NFIB: variants seen among roughly 807,000 people sequenced by gnomAD.
NFIB encodes the protein nuclear factor 1 B-type.
In NFIB, 11 loss-of-function variants were observed where a neutral mutation model predicts 61.5. The observed-to-expected ratio is 0.18, with a 90% confidence interval of 0.11 to 0.30. NFIB has a LOEUF of 0.30. Ranked by LOEUF, NFIB falls within the 10% of genes least tolerant of loss-of-function variation. NFIB has a pLI of 1.00. For synonymous variants in NFIB, 260 were observed against 216.5 expected, an observed-to-expected ratio of 1.20 and a Z score of -1.76; for missense variants, 471 against 608.9, an observed-to-expected ratio of 0.77 and a Z score of 2.38.
At chr9:14,176,461 C>T (rs372682717) in intron 3 of NFIB, among the ~76,000 whole-genome samples, 2 of 151,836 alleles carry the variant, frequency 1.3e-5, no homozygotes, top group African/African-American at 2.4e-5. Flanking sequence ...ACCCCTGCCA[C>T]GTAACAAAGA....
the NFIB span, among the ~76,000 whole-genome samples, chr9:14,468,240 G>C: frequency 6.6e-6 from 1 of 152,212 alleles, no homozygotes; most frequent in African/African-American, 2.4e-5. Context: ...AAGAGTGAAT[G>C]AATATAGAGC....
chr9:14,263,586 A>C (rs2056966166), intron 2 of NFIB, among the ~76,000 whole-genome samples: 1 of 152,200 alleles, frequency 6.6e-6, no homozygotes, highest in African/African-American at 2.4e-5. Flanking sequence ...GGAATTCTGC[A>C]CTGCGACCTC....
Position 14,313,734 on chromosome 9 carries a change from CTA to C in NFIB, c.-225_-224del. ...TAGATTTCCAGGGGTGAAATCCAAT[CTA>C]CACTTTTAACCCTCTTGCAGTCCGA... On this transcript the variant is annotated 5_prime_UTR_variant, in exon 1 of 11. Coordinates refer to ENST00000380953, the MANE Select transcript of NFIB (RefSeq NM_001190737.2). This position sits in a 1 kb window ranked among gnomAD's most constrained non-coding sequence, Gnocchi z 4.5. 3 of 1,411,290 alleles carry C rather than the reference CTA, an allele frequency of 2.1e-6. No individual in the cohort carries two copies. Among genetic ancestry groups the C allele is most frequent in the Non-Finnish European group, 1.8e-6 (2 of 1,085,140 alleles). The allele number at this position is 1,411,290 out of a possible 1,614,324, so 87.4% of individuals were successfully genotyped here.
At chr9:14,290,118 A>C (rs866050617) in intron 2 of NFIB, among the ~76,000 whole-genome samples, 1 of 152,092 alleles carries the variant, frequency 6.6e-6, no homozygotes, top group Non-Finnish European at 1.5e-5. Flanking sequence ...ACAAGAATCT[A>C]TCATGTCTTT....
chr9:14,427,786 C>A, the NFIB span, among the ~76,000 whole-genome samples: 2 of 151,924 alleles, frequency 1.3e-5, no homozygotes, highest in Admixed American at 1.3e-4. Flanking sequence ...CGGTGGCACA[C>A]TTAGCAGCTG....
At chr9:14,269,783 G>A (rs757989186) in intron 2 of NFIB, among the ~76,000 whole-genome samples, 8 of 151,858 alleles carry the variant, frequency 5.3e-5, no homozygotes, top group Non-Finnish European at 1.2e-4. Context: ...ATACTCTTTA[G>A]GAGATTAGCT....
At chr9:14,137,588 G>C (rs888915000) in intron 6 of NFIB, among the ~76,000 whole-genome samples, 1 of 152,070 alleles carries the variant, frequency 6.6e-6, no homozygotes, top group Non-Finnish European at 1.5e-5. Flanking sequence ...GAAAACTCAA[G>C]AGTTACTGAA....
In NFIB at chr9:14,313,385, G is replaced by A. The variant is rs1430458515; in HGVS notation, c.30+97C>T. 1.9e-6 allele frequency: 3 copies of A among 1,556,462 alleles called. No homozygotes were observed. The highest frequency in any genetic ancestry group is 1.7e-5 in the Admixed American group (1 of 59,126). On this transcript the variant is annotated intron_variant, in intron 1 of 10. Coordinates refer to ENST00000380953, the MANE Select transcript of NFIB (RefSeq NM_001190737.2). This position sits in a 1 kb window ranked among gnomAD's most constrained non-coding sequence, Gnocchi z 4.5. The stretch of plus-strand genomic sequence containing the variant: ...CCACTTCTCCAAGGGACGGGGATGT[G>A]CGGAGGTTAACTCAAGCCGCTAATT...
chr9:14,287,582 C>T (rs984104559), intron 2 of NFIB, among the ~76,000 whole-genome samples: 4 of 151,822 alleles, frequency 2.6e-5, no homozygotes, highest in Admixed American at 2.6e-4. Context: ...ACCACCAGGC[C>T]CGGCTAATTT....
chr9:14,517,776 G>A, the NFIB span, among the ~76,000 whole-genome samples: 8 of 152,152 alleles, frequency 5.3e-5, no homozygotes, highest in African/African-American at 1.9e-4. Context: ...CTTACAGCAT[G>A]ATGCCTTTTT....
the NFIB span, among the ~76,000 whole-genome samples, chr9:14,429,826 G>C: frequency 6.6e-6 from 1 of 152,130 alleles, no homozygotes; most frequent in Non-Finnish European, 1.5e-5. Flanking sequence ...CATCCATTCA[G>C]ATTCTGATGT....
At position 14,084,569 on chromosome 9, in the gene NFIB, G is replaced by A. The variant is rs1261310261; in HGVS notation, c.*3740C>T. On this transcript the variant is annotated 3_prime_UTR_variant, in exon 11 of 11. Transcript: ENST00000380953. ...GCTCACGTCACTCCAGGGGTAACAC[G>A]CTTCAGAGGCACTGTGAGTGGTGGG... The A allele has an allele frequency of 1.3e-5, 3 of 227,268 alleles. No individual in the cohort carries two copies. The highest frequency in any genetic ancestry group is 1.8e-4 in the South Asian group (1 of 5,476). The allele number at this position is 227,268 out of a possible 1,614,324, so 14.1% of individuals were successfully genotyped here. A position where few individuals can be genotyped will look rare whatever the true frequency, so the allele number is the denominator to read the frequency against.
chr9:14,398,839 G>C, exon 1 of NFIB: 2 of 498,122 alleles, frequency 4.0e-6, no homozygotes, highest in Middle Eastern at 5.2e-4. Flanking sequence ...CAAGAACAAA[G>C]GGGTCCTGTA....
chr9:14,120,774 C>T lies in NFIB; in HGVS notation c.1061-150G>A. ...CCAAGCTCTCCTAAATCAACAGTTA[C>T]TTTTTCATTTTTATTCTCAACACCA... On this transcript the variant is annotated intron_variant, in intron 7 of 10. Coordinates refer to ENST00000380953, the MANE Select transcript of NFIB (RefSeq NM_001190737.2). This position sits in a 1 kb window ranked among gnomAD's most constrained non-coding sequence, Gnocchi z 4.4. The T allele has an allele frequency of 1.3e-6, 1 of 751,918 alleles. No individual in the cohort carries two copies. Among genetic ancestry groups the T allele is most frequent in the Non-Finnish European group, 2.1e-6 (1 of 477,818 alleles). 46.6% of individuals were successfully genotyped at this position (751,918 alleles called of 1,614,324 possible). A position where few individuals can be genotyped will look rare whatever the true frequency, so the allele number is the denominator to read the frequency against.
chr9:14,273,753 G>C (rs1182268911), intron 2 of NFIB, among the ~76,000 whole-genome samples: 1 of 152,116 alleles, frequency 6.6e-6, no homozygotes, highest in Admixed American at 6.6e-5. Flanking sequence ...CTTAATCTCA[G>C]CACGCATCTC....
intron 6 of NFIB, among the ~76,000 whole-genome samples, chr9:14,138,838 G>C (rs1416726559): frequency 2.0e-5 from 3 of 151,952 alleles, no homozygotes; most frequent in Non-Finnish European, 4.4e-5. Flanking sequence ...CATATCTTCA[G>C]TTTATTTTAG....
chr9:14,439,515 G>C, the NFIB span, among the ~76,000 whole-genome samples: 2 of 152,236 alleles, frequency 1.3e-5, no homozygotes, highest in African/African-American at 4.8e-5. Flanking sequence ...TTAGAAGAGT[G>C]TCTGGTACTT....
At chr9:14,267,209 G>C (rs2057275353) in intron 2 of NFIB, among the ~76,000 whole-genome samples, 1 of 152,096 alleles carries the variant, frequency 6.6e-6, no homozygotes, top group Admixed American at 6.6e-5. Context: ...GAAAAAGGTA[G>C]TTTTATACAA....
chr9:14,128,464 A>G (rs7048957), intron 6 of NFIB, among the ~76,000 whole-genome samples: 151,534 of 152,264 alleles, frequency 1, 75,411 homozygotes, highest in Middle Eastern at 1. Context: ...TTGGGAGGCT[A>G]AGGCGGGTGG....
Sources: gnomAD v4.1 joint callset for allele counts (sites outside exome capture counted in the v4.1 genomes callset) on GRCh38, gnomAD v4.1.1 for gene constraint, Gnocchi (gnomAD v3.1) non-coding constraint, MANE v1.5 for transcripts, NCBI Gene and HGNC (gene_info 2026-07-23, HGNC 2026-07-21) for gene names.